Variants in NBDY observed in about 807,000 individuals in gnomAD.
NBDY encodes the protein P-body dissociating protein.
intron 2 of NBDY, among the ~76,000 whole-genome samples, chrX:56,794,583 T>TC (rs775844046): frequency 9.3e-6 from 1 of 107,888 alleles, no homozygotes; most frequent in African/African-American, 3.4e-5. Flanking sequence ...AATTAGAGGA[T>TC]CCTATCCTCA....
At chrX:56,809,174 A>G (rs1214895676) in intron 2 of NBDY, among the ~76,000 whole-genome samples, 1 of 111,919 alleles carries the variant, frequency 8.9e-6, no homozygotes, top group Non-Finnish European at 1.9e-5. Context: ...TTTACTTCCA[A>G]TTATTTGGTC....
chrX:56,767,764 G>C (rs2069675186), intron 2 of NBDY, among the ~76,000 whole-genome samples: 1 of 105,583 alleles, frequency 9.5e-6, no homozygotes, highest in African/African-American at 3.5e-5. Flanking sequence ...TGGAGGGGCA[G>C]GGTTGTGGTT....
intron 2 of NBDY, among the ~76,000 whole-genome samples, chrX:56,758,644 T>TACC (rs2069623145): frequency 8.9e-6 from 1 of 111,888 alleles, no homozygotes; most frequent in African/African-American, 3.3e-5. Flanking sequence ...GGCATCTTGG[T>TACC]CATTCTGCTG....
intron 2 of NBDY, among the ~76,000 whole-genome samples, chrX:56,795,998 T>C (rs190227657): frequency 1.1e-3 from 120 of 111,419 alleles, no homozygotes; most frequent in African/African-American, 3.4e-3. Context: ...TCCCCACCCA[T>C]GCTCATAAGT....
At chrX:56,730,916 C>A in intron 1 of NBDY, among the ~76,000 whole-genome samples, 1 of 111,570 alleles carries the variant, frequency 9.0e-6, no homozygotes, top group African/African-American at 3.3e-5. Flanking sequence ...AGAGAAGCAT[C>A]TTTTCTTCAT....
At chrX:56,753,067 T>C (rs184438862) in intron 2 of NBDY, among the ~76,000 whole-genome samples, 2 of 112,637 alleles carry the variant, frequency 1.8e-5, no homozygotes, top group East Asian at 5.6e-4. Flanking sequence ...TCTTAAACGT[T>C]TCCAAGAAAG....
intron 2 of NBDY, among the ~76,000 whole-genome samples, chrX:56,804,742 G>A (rs758993940): frequency 1.3e-4 from 14 of 111,958 alleles, no homozygotes; most frequent in Non-Finnish European, 1.9e-5. Context: ...GGATGAGACA[G>A]TGGAGGACAA....
At chrX:56,796,877 G>C (rs756434326) in intron 2 of NBDY, among the ~76,000 whole-genome samples, 1 of 111,407 alleles carries the variant, frequency 9.0e-6, no homozygotes, top group South Asian at 3.9e-4. Flanking sequence ...TCCTTTAAGT[G>C]GGACATGACC....
At chrX:56,750,556 C>T (rs1157743844) in intron 2 of NBDY, among the ~76,000 whole-genome samples, 1 of 111,280 alleles carries the variant, frequency 9.0e-6, no homozygotes, top group Non-Finnish European at 1.9e-5. Flanking sequence ...CCTGCCTGCT[C>T]TTTCTGTGTG....
chrX:56,768,057 G>A (rs1451120747), intron 2 of NBDY, among the ~76,000 whole-genome samples: 1 of 12,885 alleles, frequency 7.8e-5, no homozygotes, highest in Non-Finnish European at 1.5e-4. Flanking sequence ...GGCATGGGTC[G>A]CCCCACACTC....
intron 2 of NBDY, among the ~76,000 whole-genome samples, chrX:56,733,925 C>T (rs1489508220): frequency 8.9e-6 from 1 of 112,188 alleles, no homozygotes; most frequent in Non-Finnish European, 1.9e-5. Flanking sequence ...TTTATAACTC[C>T]ATCTTATTTG....
At chrX:56,746,226 G>A (rs2069557391) in intron 2 of NBDY, among the ~76,000 whole-genome samples, 2 of 110,530 alleles carry the variant, frequency 1.8e-5, no homozygotes, top group African/African-American at 6.6e-5. Flanking sequence ...TTCATGTGCA[G>A]TCTCCTTAAG....
At chrX:56,783,089 T>C (rs762572448) in intron 2 of NBDY, among the ~76,000 whole-genome samples, 1 of 112,626 alleles carries the variant, frequency 8.9e-6, no homozygotes, top group African/African-American at 3.2e-5. Context: ...CTGCCCACAA[T>C]GTCTTCCACT....
At chrX:56,782,837 A>G (rs1455427625) in intron 2 of NBDY, among the ~76,000 whole-genome samples, 3 of 111,771 alleles carry the variant, frequency 2.7e-5, no homozygotes, top group Non-Finnish European at 5.6e-5. Context: ...CAGACCACAG[A>G]CACAGACACA....
chrX:56,758,720 G>T (rs1436629377), intron 2 of NBDY, among the ~76,000 whole-genome samples: 1 of 111,970 alleles, frequency 8.9e-6, no homozygotes, highest in Admixed American at 9.4e-5. Context: ...TGTTCCTGTG[G>T]TGGGTGTGGA....
chrX:56,782,734 C>G (rs1284987204), intron 2 of NBDY, among the ~76,000 whole-genome samples: 1 of 111,650 alleles, frequency 9.0e-6, no homozygotes, highest in Non-Finnish European at 1.9e-5. Flanking sequence ...TTCAGTCCAG[C>G]CATGTGAACA....
intron 2 of NBDY, among the ~76,000 whole-genome samples, chrX:56,781,842 T>C (rs1280645692): frequency 8.9e-6 from 1 of 111,917 alleles, no homozygotes; most frequent in African/African-American, 3.3e-5. Flanking sequence ...GGGTGGCTGA[T>C]TACCTCTTTT....
At position 56,758,891 on chromosome X, in the gene NBDY, A is replaced by C. The variant is rs962212149; in HGVS notation, c.*166+26692A>C. On this transcript the variant is annotated intron_variant, in intron 2 of 2. Transcript: ENST00000374922. Reference sequence around the variant, plus strand: ...GGAGGACAAATTATTTTGCCCCTTTAGGGTCTCCAGGCAGACATGCAAAAG... The same window carrying C: ...GGAGGACAAATTATTTTGCCCCTTTCGGGTCTCCAGGCAGACATGCAAAAG... 5.4e-5 allele frequency among the ~76,000 whole-genome samples: 6 copies of C among 111,745 alleles called. No individual in the cohort carries two copies. In the Admixed American group the frequency reaches 5.6e-4, roughly 11 times the overall value.
At chrX:56,791,842 A>C (rs868493797) in intron 2 of NBDY, among the ~76,000 whole-genome samples, 1 of 86,291 alleles carries the variant, frequency 1.2e-5, no homozygotes, top group South Asian at 5.3e-4. Flanking sequence ...CTTCTCCTCC[A>C]TCTTCTTCTA....
Sources: allele counts gnomAD v4.1 joint callset (sites outside exome capture counted in the v4.1 genomes callset), GRCh38; gene constraint gnomAD v4.1.1; transcripts MANE v1.5; gene names NCBI Gene and HGNC (gene_info 2026-07-23, HGNC 2026-07-21).